The following EMSY variants were observed in gnomAD, a reference collection of about 807,000 sequenced individuals.
The protein encoded by EMSY is EMSY transcriptional repressor, BRCA2 interacting.
Under a neutral mutation model 134.6 loss-of-function variants are expected in EMSY, and 26 were observed. The observed-to-expected ratio is 0.19, with a 90% CI of 0.14 to 0.27. EMSY has a LOEUF of 0.27. EMSY is among the 10% of genes least tolerant of loss of function. The pLI, the probability that EMSY is intolerant of heterozygous loss-of-function variation, is 1.00. For missense variants in EMSY, 1,305 were observed against 1,611.4 expected, an observed-to-expected ratio of 0.81 and a Z score of 3.26; for synonymous variants, 579 against 577.8, an observed-to-expected ratio of 1.00 and a Z score of -0.03.
chr11:76,544,295 G>A (rs758867591), exon 19 of EMSY: 33 of 1,614,052 alleles, frequency 2.0e-5, no homozygotes, highest in Middle Eastern at 1.7e-4. Context: ...CAAACACAGC[G>A]AGGAACTTGG....
intron 10 of EMSY, 103 bp downstream of exon 11, chr11:76,513,638 G>A: frequency 7.8e-7 from 1 of 1,286,626 alleles, no homozygotes. Context: ...AGATTAATGG[G>A]ACAGTTTTTC....
At chr11:76,505,472 A>G (rs1180458944) in intron 9 of EMSY, among the ~76,000 whole-genome samples, 1 of 151,620 alleles carries the variant, frequency 6.6e-6, no homozygotes, top group Non-Finnish European at 1.5e-5. Flanking sequence ...CTATAAAAAT[A>G]TACAATAGCG....
chr11:76,525,815 C>A (rs1262090633), intron 12 of EMSY, among the ~76,000 whole-genome samples: 1 of 151,854 alleles, frequency 6.6e-6, no homozygotes, highest in Non-Finnish European at 1.5e-5. Flanking sequence ...ATATTATTAA[C>A]AATATATAAC....
intron 8 of EMSY, among the ~76,000 whole-genome samples, chr11:76,480,699 A>G (rs1388177100): frequency 2.0e-5 from 3 of 152,154 alleles, no homozygotes; most frequent in Non-Finnish European, 1.5e-5. Context: ...TGATTTCTGC[A>G]TTTCCAACTG....
chr11:76,470,375 C>T (rs1166674720), intron 7 of EMSY, among the ~76,000 whole-genome samples: 9 of 152,040 alleles, frequency 5.9e-5, no homozygotes, highest in Admixed American at 5.9e-4. Flanking sequence ...TTTTTGTGTT[C>T]TCATTTGTAA....
intron 18 of EMSY, 85 bp downstream of exon 19, chr11:76,542,452 G>T: frequency 6.7e-7 from 1 of 1,483,784 alleles, no homozygotes; most frequent in Non-Finnish European, 9.4e-7. Context: ...TTTAAGAGGA[G>T]AAATAATTGG....
intron 2 of EMSY, among the ~76,000 whole-genome samples, chr11:76,448,073 CAAAAA>C (rs202089683): frequency 1.3e-5 from 2 of 149,504 alleles, no homozygotes; most frequent in Non-Finnish European, 3.0e-5. Context: ...TTTGTTAAAA[CAAAAA>C]AAAAGAGGAT....
At chr11:76,515,209 G>C (rs546797568) in intron 10 of EMSY, among the ~76,000 whole-genome samples, 2,152 of 150,688 alleles carry the variant, frequency 0.014, 23 homozygotes, top group Non-Finnish European at 0.023. Context: ...ATTTTTTTGG[G>C]GGGGGGGAGG....
intron 9 of EMSY, among the ~76,000 whole-genome samples, chr11:76,505,374 T>C (rs1950032695): frequency 6.7e-6 from 1 of 148,178 alleles, no homozygotes; most frequent in African/African-American, 2.4e-5. Flanking sequence ...TTTTTTTTTT[T>C]TTTTTTTGTA....
At chr11:76,531,905 G>A (rs1432507242) in intron 14 of EMSY, among the ~76,000 whole-genome samples, 1 of 152,082 alleles carries the variant, frequency 6.6e-6, no homozygotes, top group East Asian at 1.9e-4. Flanking sequence ...GATTCCACTT[G>A]TGGTTTCTGA....
exon 1 of EMSY, chr11:76,445,073 G>T (rs1455535674): frequency 6.5e-6 from 1 of 153,006 alleles, no homozygotes; most frequent in Non-Finnish European, 1.5e-5. Flanking sequence ...CCAATTCCTG[G>T]TGTCCCCTAG....
At chr11:76,518,618 T>A (rs998355323) in intron 11 of EMSY, among the ~76,000 whole-genome samples, 3 of 150,882 alleles carry the variant, frequency 2.0e-5, no homozygotes, top group Non-Finnish European at 3.0e-5. Context: ...AGGACTGTGT[T>A]AAAATTTAGG....
chr11:76,523,352 T>C, intron 12 of EMSY, 61 bp downstream of exon 13: 1 of 1,547,830 alleles, frequency 6.5e-7, no homozygotes, highest in Non-Finnish European at 8.7e-7. Flanking sequence ...ACCAGCTATA[T>C]AAATATTTGC....
chr11:76,497,312 A>C (rs766234784), intron 9 of EMSY: 7 of 152,238 alleles, frequency 4.6e-5, no homozygotes, highest in Non-Finnish European at 1.0e-4. Context: ...GGTCTGTAAT[A>C]TTCTTATTTT....
At position 76,473,590 on chromosome 11, in the gene EMSY, C is replaced by T. The variant is rs1027945724; in HGVS notation, c.1108+750C>T. Among the ~76,000 whole-genome samples, 15 of 151,730 alleles carry T rather than the reference C, an allele frequency of 9.9e-5. 1 individual carries two copies. The South Asian group carries it at 1.9e-3, about 19-fold the overall frequency. ...TCCCGAAGTGCTGGTATGACAGGCA[C>T]GAGCCACTGTGCTCTGCTAGTCTCC... On this transcript the variant is annotated intron_variant, in intron 8 of 20. Transcript: ENST00000334736.
chr11:76,489,315 C>CT (rs57048007), intron 8 of EMSY, among the ~76,000 whole-genome samples: 1,534 of 128,126 alleles, frequency 0.012, 16 homozygotes, highest in Non-Finnish European at 0.016. Context: ...TTCTTGTTTT[C>CT]TTTTTTTTTT....
chr11:76,535,148 C>T (rs1429845439), intron 14 of EMSY, among the ~76,000 whole-genome samples: 1 of 152,012 alleles, frequency 6.6e-6, no homozygotes, highest in African/African-American at 2.4e-5. Flanking sequence ...AGCTCATTTC[C>T]ATGTATCATT....
intron 6 of EMSY, among the ~76,000 whole-genome samples, chr11:76,463,188 G>T (rs1413985671): frequency 2.0e-5 from 3 of 152,106 alleles, no homozygotes; most frequent in Non-Finnish European, 4.4e-5. Context: ...GTGGTGGCGG[G>T]CATATGTAAT....
At chr11:76,537,803 A>G in exon 16 of EMSY, 2 of 1,599,186 alleles carry the variant, frequency 1.3e-6, no homozygotes, top group Non-Finnish European at 1.7e-6. Context: ...AGTAAAGGAA[A>G]AATTGGAATC....
Sources: gnomAD v4.1 joint callset for allele counts (sites outside exome capture counted in the v4.1 genomes callset) on GRCh38, gnomAD v4.1.1 for gene constraint, MANE v1.5 for transcripts, NCBI Gene and HGNC (gene_info 2026-07-23, HGNC 2026-07-21) for gene names.